The following NEK6 variants were observed in gnomAD, a reference collection of about 807,000 sequenced individuals.
The protein encoded by NEK6 is NIMA related kinase 6.
A neutral mutation model predicts 43.5 loss-of-function variants in NEK6; 27 were observed. The observed-to-expected ratio is 0.62, with a 90% CI of 0.46 to 0.86. The LOEUF is 0.86. Among genes scored for constraint, NEK6 ranks in the 40% least tolerant of loss-of-function variants. NEK6 has a pLI of 0.00. For missense variants in NEK6, 318 were observed against 414.4 expected, an observed-to-expected ratio of 0.77 and a Z score of 2.02; for synonymous variants, 167 against 164.1, an observed-to-expected ratio of 1.02 and a Z score of -0.14.
At chr9:124,282,031 G>A (rs1831936126) in intron 1 of NEK6, among the ~76,000 whole-genome samples, 1 of 152,220 alleles carries the variant, frequency 6.6e-6, no homozygotes, top group South Asian at 2.1e-4. Context: ...GTGAGCCCCC[G>A]GCTCTGCCCT....
intron 7 of NEK6, among the ~76,000 whole-genome samples, chr9:124,331,275 A>AAAAAAAAAAAAAAC: frequency 6.9e-6 from 1 of 145,628 alleles, no homozygotes; most frequent in Non-Finnish European, 1.5e-5. Flanking sequence ...AAAAAAAAAC[A>AAAAAAAAAAAAAAC]AAACATTTTG....
chr9:124,331,223 G>A (rs989929460), intron 7 of NEK6, among the ~76,000 whole-genome samples: 26 of 126,694 alleles, frequency 2.1e-4, no homozygotes, highest in Non-Finnish European at 6.3e-5. Context: ...CTGAGATGGC[G>A]CCATTGCACT....
rs760352995 is a variant in NEK6, at chr9:124,292,849, GAGA to G, written c.-29-9080_-29-9078del. On this transcript the variant is annotated intron_variant, in intron 1 of 9. Transcript: ENST00000320246. ...CCTCAAGGACATTTCCATGTTCAAG[GAGA>G]AGAAGACACATGAATTAGAGACAGC... The G allele has an allele frequency of 5.5e-6, 8 of 1,442,058 alleles. No individual in the cohort carries two copies. In the South Asian group the frequency reaches 6.0e-5, roughly 11 times the overall value. 89.3% of individuals were successfully genotyped at this position (1,442,058 alleles called of 1,614,324 possible).
At chr9:124,272,140 T>G (rs1831464019) in intron 1 of NEK6, among the ~76,000 whole-genome samples, 2 of 152,198 alleles carry the variant, frequency 1.3e-5, no homozygotes. Flanking sequence ...TACTCTGTGT[T>G]GATGGTAAAC....
chr9:124,269,918 A>C (rs930420127), intron 1 of NEK6, among the ~76,000 whole-genome samples: 1 of 151,986 alleles, frequency 6.6e-6, no homozygotes, highest in African/African-American at 2.4e-5. Flanking sequence ...CCCTGGGAGG[A>C]ATCAACTGAC....
At chr9:124,320,444 C>T (rs1408153031) in intron 4 of NEK6, among the ~76,000 whole-genome samples, 1 of 152,220 alleles carries the variant, frequency 6.6e-6, no homozygotes, top group African/African-American at 2.4e-5. Flanking sequence ...CACAGTGCAT[C>T]CTTCTCCCAA....
intron 4 of NEK6, among the ~76,000 whole-genome samples, chr9:124,317,512 C>T (rs546118017): frequency 1.3e-5 from 2 of 152,200 alleles, no homozygotes; most frequent in Non-Finnish European, 2.9e-5. Flanking sequence ...CACGTCTGGC[C>T]CACCTTCTTT....
Position 124,301,956 on chromosome 9 carries a change from G to T in NEK6, c.-9G>T. On this transcript the variant is annotated 5_prime_UTR_variant, in exon 2 of 10. Transcript: ENST00000320246. ...TGCAGTTCGTGCCCTCGTGAGGCTG[G>T]CATGCAGGATGGCAGGACAGCCCGG... The T allele has an allele frequency of 1.9e-6, 3 of 1,593,004 alleles. No individual in the cohort carries two copies. Among genetic ancestry groups the T allele is most frequent in the Non-Finnish European group, 2.6e-6 (3 of 1,169,380 alleles).
chr9:124,299,651 G>A (rs1223348639), intron 1 of NEK6, among the ~76,000 whole-genome samples: 1 of 152,096 alleles, frequency 6.6e-6, no homozygotes, highest in Admixed American at 6.5e-5. Flanking sequence ...GGGGAGATGA[G>A]GCCTGTGCTG....
chr9:124,348,248 A>G (rs535679717), intron 9 of NEK6, among the ~76,000 whole-genome samples: 1 of 152,308 alleles, frequency 6.6e-6, no homozygotes, highest in Non-Finnish European at 1.5e-5. Context: ...AAACTACGGC[A>G]GGAGGACCGG....
At chr9:124,307,179 T>A (rs1302977229) in intron 2 of NEK6, among the ~76,000 whole-genome samples, 1 of 151,856 alleles carries the variant, frequency 6.6e-6, no homozygotes, top group Admixed American at 6.6e-5. Context: ...GGTTCAAACA[T>A]TTTAAACTCA....
At chr9:124,323,575 C>T (rs1391974918) in intron 5 of NEK6, among the ~76,000 whole-genome samples, 1 of 152,184 alleles carries the variant, frequency 6.6e-6, no homozygotes, top group African/African-American at 2.4e-5. Context: ...GAGGACGCCT[C>T]ACCCTCTCAG....
intron 1 of NEK6, among the ~76,000 whole-genome samples, chr9:124,297,056 G>A (rs549420672): frequency 1.3e-5 from 2 of 152,358 alleles, no homozygotes; most frequent in South Asian, 4.1e-4. Flanking sequence ...AGGCAGCCAC[G>A]GCTCACGTAG....
At chr9:124,279,570 T>C (rs1172714560) in intron 1 of NEK6, among the ~76,000 whole-genome samples, 1 of 152,234 alleles carries the variant, frequency 6.6e-6, no homozygotes, top group Non-Finnish European at 1.5e-5. Flanking sequence ...CCCAAAGTGC[T>C]GGGATTACAT....
At chr9:124,347,855 C>T in intron 9 of NEK6, 33 bp downstream of exon 9, 1 of 1,406,952 alleles carries the variant, frequency 7.1e-7, no homozygotes, top group Non-Finnish European at 1.0e-6. Flanking sequence ...CCTCGCCAGC[C>T]CCAGGAGGCC....
At chr9:124,288,486 G>A (rs1019217125) in intron 1 of NEK6, among the ~76,000 whole-genome samples, 9 of 152,118 alleles carry the variant, frequency 5.9e-5, no homozygotes, top group Non-Finnish European at 4.4e-5. Context: ...GTTTTGCCAT[G>A]TTGGCCAGGC....
intron 9 of NEK6, 133 bp downstream of exon 9, chr9:124,347,955 GAA>G (rs1425417958): frequency 1.8e-6 from 1 of 559,768 alleles, no homozygotes; most frequent in Admixed American, 3.1e-5. Flanking sequence ...GAGCTTTCTG[GAA>G]AAGTGACTTG....
intron 7 of NEK6, among the ~76,000 whole-genome samples, chr9:124,334,788 G>A (rs1250017397): frequency 6.6e-6 from 1 of 152,228 alleles, no homozygotes; most frequent in Non-Finnish European, 1.5e-5. Flanking sequence ...GAGGACCCGG[G>A]CTGAGGGCCA....
intron 1 of NEK6, among the ~76,000 whole-genome samples, chr9:124,259,677 C>T (rs1343177824): frequency 6.6e-6 from 1 of 152,166 alleles, no homozygotes; most frequent in African/African-American, 2.4e-5. Context: ...TGAGTCACTC[C>T]CTGGCAGAGA....
Sources: allele counts gnomAD v4.1 joint callset (sites outside exome capture counted in the v4.1 genomes callset), GRCh38; gene constraint gnomAD v4.1.1; transcripts MANE v1.5; gene names NCBI Gene and HGNC (gene_info 2026-07-23, HGNC 2026-07-21).